TMEM170B: variants seen among roughly 807,000 people sequenced by gnomAD.
TMEM170B encodes transmembrane protein 170B.
A neutral mutation model predicts 13.0 loss-of-function variants in TMEM170B; 6 were observed. The observed-to-expected ratio is 0.46, with a 90% CI of 0.25 to 0.91. The LOEUF (loss-of-function observed/expected upper bound fraction) is 0.91, where lower values mean the gene tolerates loss of function less well. Ranked by LOEUF, TMEM170B falls within the 40% of genes least tolerant of loss-of-function variation. TMEM170B has a pLI of 0.17. For synonymous variants in TMEM170B, 61 were observed against 64.9 expected (o/e 0.94, Z 0.29); for missense variants, 138 against 165.2 (o/e 0.84, Z 0.90).
At chr6:11,572,437 C>A (rs1211159410) in intron 2 of TMEM170B, among the ~76,000 whole-genome samples, 1 of 151,948 alleles carries the variant, frequency 6.6e-6, no homozygotes, top group Non-Finnish European at 1.5e-5. Context: ...GTTTATTTAA[C>A]TTTTTCATTG....
chr6:11,562,839 TAGTC>T (rs1759686896), intron 1 of TMEM170B, among the ~76,000 whole-genome samples: 1 of 152,224 alleles, frequency 6.6e-6, no homozygotes, highest in Middle Eastern at 3.2e-3. Context: ...TCCACCACTA[TAGTC>T]AAAGAAGAAA....
chr6:11,554,135 A>ATTG (rs1759558835), intron 1 of TMEM170B, among the ~76,000 whole-genome samples: 1 of 152,106 alleles, frequency 6.6e-6, no homozygotes, highest in Non-Finnish European at 1.5e-5. Flanking sequence ...ATTTCATTAC[A>ATTG]AGTTATGCTC....
At chr6:11,538,816 A>G (rs965209920) in intron 1 of TMEM170B, among the ~76,000 whole-genome samples, 2 of 152,272 alleles carry the variant, frequency 1.3e-5, no homozygotes, top group Admixed American at 6.5e-5. Context: ...TGTAGAACCT[A>G]AAATCATTGC....
chr6:11,565,371 CAG>C (rs968148039), intron 1 of TMEM170B, among the ~76,000 whole-genome samples: 5 of 152,126 alleles, frequency 3.3e-5, no homozygotes, highest in Non-Finnish European at 5.9e-5. Context: ...ACAAATATAT[CAG>C]GGGTTTAATA....
intron 2 of TMEM170B, among the ~76,000 whole-genome samples, chr6:11,568,061 A>G (rs376252003): frequency 6.6e-6 from 1 of 152,198 alleles, no homozygotes; most frequent in African/African-American, 2.4e-5. Context: ...AACATAATGG[A>G]TATGCAAAAC....
intron 1 of TMEM170B, among the ~76,000 whole-genome samples, chr6:11,551,258 CAG>C: frequency 6.6e-6 from 1 of 152,164 alleles, no homozygotes. Flanking sequence ...GAAACCAAAA[CAG>C]AAGCCACAGT....
chr6:11,546,761 T>C (rs1280619134), intron 1 of TMEM170B, among the ~76,000 whole-genome samples: 4 of 152,230 alleles, frequency 2.6e-5, no homozygotes, highest in Non-Finnish European at 5.9e-5. Flanking sequence ...ATGGAATATA[T>C]GTTAGCTTAT....
chr6:11,560,689 AATG>A (rs1415505584), intron 1 of TMEM170B, among the ~76,000 whole-genome samples: 1 of 151,066 alleles, frequency 6.6e-6, no homozygotes, highest in African/African-American at 2.4e-5. Context: ...GAATGTATAA[AATG>A]ATATCATTCA....
rs989064008 is a variant in TMEM170B, at chr6:11,579,406, T to G, written c.*3845T>G. 2 of 152,244 alleles carry G rather than the reference T, an allele frequency of 1.3e-5. No individual in the cohort carries two copies. The highest frequency in any genetic ancestry group is 4.8e-5 in the African/African-American group (2 of 41,468). The allele number at this position is 152,244 out of a possible 1,614,324, so 9.4% of individuals were successfully genotyped here. On this transcript the variant is annotated 3_prime_UTR_variant, in exon 3 of 3. Transcript: ENST00000379426. ...ATTGTTTATGAATGGCAAAGCAGTA[T>G]GTATTTCACAGTAAATGATCAACTG...
intron 1 of TMEM170B, among the ~76,000 whole-genome samples, chr6:11,555,330 T>C (rs1337475360): frequency 2.0e-5 from 3 of 152,178 alleles, no homozygotes; most frequent in African/African-American, 7.2e-5. Context: ...CCTTTATCTT[T>C]GGTTTTCACG....
rs1759969961 is a variant in TMEM170B at position 11,582,528 on chromosome 6, TGTG to T, written c.*6970_*6972del. On this transcript the variant is annotated 3_prime_UTR_variant, in exon 3 of 3. Transcript: ENST00000379426. ...AGCTACTTTCACTATATTTTCATGA[TGTG>T]GTATTTTTCTCTATTTTTTCTTTTT... 6.6e-6 allele frequency: 1 copy of T among 152,214 alleles called. No individual in the cohort carries two copies. Among genetic ancestry groups the T allele is most frequent in the African/African-American group, 2.4e-5 (1 of 41,460 alleles). The allele number at this position is 152,214 out of a possible 1,614,324, so 9.4% of individuals were successfully genotyped here. A position where few individuals can be genotyped will look rare whatever the true frequency, so the allele number is the denominator to read the frequency against.
intron 1 of TMEM170B, among the ~76,000 whole-genome samples, chr6:11,551,297 T>G (rs1217640483): frequency 6.6e-6 from 1 of 152,214 alleles, no homozygotes; most frequent in Non-Finnish European, 1.5e-5. Flanking sequence ...TTGGAAGTGA[T>G]ATACCATCAT....
chr6:11,581,111 A>G lies in TMEM170B; in HGVS notation c.*5550A>G, dbSNP rs1759950825. Reference sequence around the variant, plus strand: ...ATAATACTTTTAAATTAGTGGAAACACATTTCTGAGTGAACTGAGCTATGA... The same window carrying G: ...ATAATACTTTTAAATTAGTGGAAACGCATTTCTGAGTGAACTGAGCTATGA... On this transcript the variant is annotated 3_prime_UTR_variant, in exon 3 of 3. Coordinates refer to ENST00000379426, the MANE Select transcript of TMEM170B (RefSeq NM_001100829.3). The G allele has an allele frequency of 6.6e-6, 1 of 152,242 alleles. No individual in the cohort carries two copies. The highest frequency in any genetic ancestry group is 1.5e-5 in the Non-Finnish European group (1 of 68,048). The allele number at this position is 152,242 out of a possible 1,614,324, so 9.4% of individuals were successfully genotyped here.
At chr6:11,557,240 A>G (rs945205255) in intron 1 of TMEM170B, among the ~76,000 whole-genome samples, 1 of 152,238 alleles carries the variant, frequency 6.6e-6, no homozygotes, top group African/African-American at 2.4e-5. Flanking sequence ...GTATAATTTT[A>G]TCTTTTTCTC....
intron 2 of TMEM170B, among the ~76,000 whole-genome samples, chr6:11,567,874 TG>T (rs1759756129): frequency 6.6e-6 from 1 of 152,162 alleles, no homozygotes; most frequent in South Asian, 2.1e-4. Flanking sequence ...CTGCCGGCCA[TG>T]GAAAACAAAT....
chr6:11,548,379 C>T (rs1057237641), intron 1 of TMEM170B, among the ~76,000 whole-genome samples: 2 of 152,136 alleles, frequency 1.3e-5, no homozygotes, highest in African/African-American at 4.8e-5. Flanking sequence ...CAATGAGATA[C>T]CATCCCACAC....
At position 11,575,155 on chromosome 6, in the gene TMEM170B, A is replaced by G. The variant is rs1337994697; in HGVS notation, c.269-276A>G. ...TGCAATAATGAATTATTCATTGTTT[A>G]TGAACATATTTGCTATCAAGTATGC... is the stretch of plus-strand genomic sequence containing the variant. On this transcript the variant is annotated intron_variant, in intron 2 of 2. Coordinates refer to ENST00000379426, the MANE Select transcript of TMEM170B (RefSeq NM_001100829.3). This position sits in a 1 kb window ranked among gnomAD's most constrained non-coding sequence, Gnocchi z 4.1. 6.6e-6 allele frequency among the ~76,000 whole-genome samples: 1 copy of G among 152,118 alleles called. No homozygotes were observed. Among genetic ancestry groups the G allele is most frequent in the Admixed American group, 6.6e-5 (1 of 15,250 alleles).
At chr6:11,543,384 CAT>C (rs1759388322) in intron 1 of TMEM170B, among the ~76,000 whole-genome samples, 1 of 152,182 alleles carries the variant, frequency 6.6e-6, no homozygotes, top group Non-Finnish European at 1.5e-5. Flanking sequence ...TTAAGCAACT[CAT>C]ATAAATCATT....
At chr6:11,554,139 T>G (rs570949922) in intron 1 of TMEM170B, among the ~76,000 whole-genome samples, 75 of 152,240 alleles carry the variant, frequency 4.9e-4, no homozygotes, top group African/African-American at 1.7e-3. Context: ...CATTACAAGT[T>G]ATGCTCGTTG....
Sources: allele counts gnomAD v4.1 joint callset (sites outside exome capture counted in the v4.1 genomes callset), GRCh38; gene constraint gnomAD v4.1.1; non-coding constraint Gnocchi (gnomAD v3.1); transcripts MANE v1.5; gene names NCBI Gene and HGNC (gene_info 2026-07-23, HGNC 2026-07-21).